Variants in IMMP1L observed in about 807,000 individuals in gnomAD.
IMMP1L encodes the protein mitochondrial inner membrane protease subunit 1.
In IMMP1L, 24 loss-of-function variants were observed where a neutral mutation model predicts 21.8. That is an observed-to-expected ratio of 1.10 (90% CI 0.80 to 1.55). The LOEUF (loss-of-function observed/expected upper bound fraction) is 1.55. Ranked by LOEUF, IMMP1L falls within the 40% of genes most tolerant of loss-of-function variation. The pLI, the probability that IMMP1L is intolerant of heterozygous loss-of-function variation, is 0.00. For synonymous variants in IMMP1L, 46 were observed against 62.8 expected (o/e 0.73, Z 1.26); for missense variants, 195 against 200.7 (o/e 0.97, Z 0.17).
At chr11:31,468,646 T>C (rs1211055493) in intron 1 of IMMP1L, among the ~76,000 whole-genome samples, 2 of 152,160 alleles carry the variant, frequency 1.3e-5, no homozygotes, top group African/African-American at 4.8e-5. Context: ...GGGAATACAA[T>C]AGTGAACATG....
chr11:31,492,043 C>A (rs914291297), intron 1 of IMMP1L, among the ~76,000 whole-genome samples: 10 of 152,140 alleles, frequency 6.6e-5, no homozygotes, highest in African/African-American at 2.2e-4. Context: ...ACACCAGTTG[C>A]CATTATCCCC....
At chr11:31,477,151 G>A (rs1028188375) in intron 1 of IMMP1L, 1 of 152,040 alleles carries the variant, frequency 6.6e-6, no homozygotes, top group Non-Finnish European at 1.5e-5. Context: ...CATTTCATCA[G>A]TAGCAACTGA....
intron 1 of IMMP1L, among the ~76,000 whole-genome samples, chr11:31,468,738 TTAAG>T (rs1954448139): frequency 6.6e-6 from 1 of 152,088 alleles, no homozygotes; most frequent in African/African-American, 2.4e-5. Flanking sequence ...CATAAATACA[TTAAG>T]TAATTTCTGT....
intron 3 of IMMP1L, among the ~76,000 whole-genome samples, chr11:31,458,619 T>C (rs1051053845): frequency 6.6e-6 from 1 of 152,150 alleles, no homozygotes; most frequent in Non-Finnish European, 1.5e-5. Context: ...GGGTCAAAGA[T>C]TCCCCTGAAA....
intron 4 of IMMP1L, among the ~76,000 whole-genome samples, chr11:31,440,351 A>G (rs1363462029): frequency 6.6e-6 from 1 of 152,188 alleles, no homozygotes; most frequent in African/African-American, 2.4e-5. Flanking sequence ...CAGTTATTCC[A>G]TCACTGCCAG....
intron 1 of IMMP1L, among the ~76,000 whole-genome samples, chr11:31,488,395 C>A (rs1388501388): frequency 6.6e-6 from 1 of 152,050 alleles, no homozygotes. Flanking sequence ...TTTTATGACG[C>A]TTTGGAAAAA....
intron 1 of IMMP1L, among the ~76,000 whole-genome samples, chr11:31,475,107 A>G (rs900529246): frequency 6.6e-6 from 1 of 152,250 alleles, no homozygotes; most frequent in Admixed American, 6.5e-5. Flanking sequence ...ATTTTCATCA[A>G]GTAAATATTA....
chr11:31,439,857 T>C (rs1029895401), intron 4 of IMMP1L, among the ~76,000 whole-genome samples: 1 of 152,208 alleles, frequency 6.6e-6, no homozygotes, highest in African/African-American at 2.4e-5. Context: ...CAACAAGATC[T>C]GTCCACACTG....
chr11:31,437,721 A>G (rs1006662741), intron 4 of IMMP1L, among the ~76,000 whole-genome samples: 26 of 152,220 alleles, frequency 1.7e-4, no homozygotes. Context: ...TTCCATGCCG[A>G]AAAGTTCCCT....
At chr11:31,486,590 C>A (rs1434020667) in intron 1 of IMMP1L, among the ~76,000 whole-genome samples, 1 of 151,834 alleles carries the variant, frequency 6.6e-6, no homozygotes, top group Non-Finnish European at 1.5e-5. Flanking sequence ...AGGATATAAA[C>A]AAATGTACAC....
At chr11:31,501,815 A>G (rs955777356) in intron 1 of IMMP1L, among the ~76,000 whole-genome samples, 2 of 148,610 alleles carry the variant, frequency 1.3e-5, no homozygotes, top group Non-Finnish European at 3.0e-5. Flanking sequence ...ATAAATAAAT[A>G]AATAAATAAA....
intron 3 of IMMP1L, 147 bp from the exon 4 acceptor site, chr11:31,456,533 C>A: frequency 2.0e-6 from 1 of 488,106 alleles, no homozygotes; most frequent in Non-Finnish European, 3.5e-6. Flanking sequence ...CATTTACTGG[C>A]TTTGAGAACC....
chr11:31,477,111 T>C (rs1954753703), intron 1 of IMMP1L: 1 of 152,174 alleles, frequency 6.6e-6, no homozygotes, highest in South Asian at 2.1e-4. Context: ...GGTGTCTATA[T>C]ATTTCAAATT....
intron 1 of IMMP1L, among the ~76,000 whole-genome samples, chr11:31,474,233 T>C (rs964997753): frequency 6.6e-6 from 1 of 152,170 alleles, no homozygotes; most frequent in African/African-American, 2.4e-5. Flanking sequence ...GAGAGATATA[T>C]GTCCACTTAA....
Position 31,509,608 on chromosome 11 carries a change from T to G in IMMP1L, c.-119A>C. ...CCCGCCGAAGTCGACCGTCCTTTCG[T>G]AGGGCGCACTTTTCAGCAATACGCC... On this transcript the variant is annotated 5_prime_UTR_variant, in exon 1 of 6. Transcript: ENST00000532287. The G allele has an allele frequency of 1.5e-6, 1 of 662,632 alleles. No homozygotes were observed. Among genetic ancestry groups the G allele is most frequent in the Non-Finnish European group, 2.5e-6 (1 of 392,488 alleles). 41.0% of individuals were successfully genotyped at this position (662,632 alleles called of 1,614,324 possible).
chr11:31,495,909 A>AC (rs1367901605), intron 1 of IMMP1L, among the ~76,000 whole-genome samples: 1 of 152,208 alleles, frequency 6.6e-6, no homozygotes, highest in Admixed American at 6.5e-5. Flanking sequence ...AAAACTACAC[A>AC]ACTCTTGATT....
intron 1 of IMMP1L, among the ~76,000 whole-genome samples, chr11:31,469,097 T>C (rs1954458787): frequency 6.6e-6 from 1 of 152,152 alleles, no homozygotes; most frequent in Non-Finnish European, 1.5e-5. Flanking sequence ...ATCATTTGTA[T>C]ATCTTCTTTG....
chr11:31,461,719 G>T (rs1021552080), intron 2 of IMMP1L, among the ~76,000 whole-genome samples: 1 of 151,946 alleles, frequency 6.6e-6, no homozygotes, highest in African/African-American at 2.4e-5. Context: ...GTTCAGACTT[G>T]GGTCCCATCC....
intron 1 of IMMP1L, chr11:31,488,220 G>T (rs1433186524): frequency 6.6e-6 from 1 of 152,042 alleles, no homozygotes; most frequent in Non-Finnish European, 1.5e-5. Context: ...GCATAGGTGG[G>T]TGATCCACAA....
Sources: gnomAD v4.1 joint callset for allele counts (sites outside exome capture counted in the v4.1 genomes callset) on GRCh38, gnomAD v4.1.1 for gene constraint, MANE v1.5 for transcripts, NCBI Gene and HGNC (gene_info 2026-07-23, HGNC 2026-07-21) for gene names.